The following MYO3B variants were observed in gnomAD, a reference collection of about 807,000 sequenced individuals.
The protein encoded by MYO3B is myosin-IIIb.
A neutral mutation model predicts 174.6 loss-of-function variants in MYO3B; 156 were observed. The observed-to-expected ratio is 0.89, with a 90% CI of 0.78 to 1.02. The LOEUF (loss-of-function observed/expected upper bound fraction) is 1.02. Ranked by LOEUF, MYO3B falls within the 50% of genes least tolerant of loss-of-function variation. The probability of loss-of-function intolerance (pLI) is 0.00; values close to 1 mark genes in which losing one functional copy is unlikely to be tolerated. For synonymous variants in MYO3B, 563 were observed against 569.1 expected (o/e 0.99, Z 0.15); for missense variants, 1,632 against 1,639.4 (o/e 1.00, Z 0.08).
At chr2:170,237,221 A>G (rs1283958427) in intron 7 of MYO3B, among the ~76,000 whole-genome samples, 2 of 152,196 alleles carry the variant, frequency 1.3e-5, no homozygotes, top group Admixed American at 1.3e-4. Context: ...GGATATAAGA[A>G]TGCAGGAGCT....
intron 32 of MYO3B, among the ~76,000 whole-genome samples, chr2:170,586,263 G>A (rs982355817): frequency 6.6e-6 from 1 of 152,104 alleles, no homozygotes; most frequent in Non-Finnish European, 1.5e-5. Flanking sequence ...ATTTGTTTTG[G>A]TTGCCTTAGC....
intron 1 of MYO3B, among the ~76,000 whole-genome samples, chr2:170,182,251 AT>A (rs200630661): frequency 1.3e-5 from 2 of 151,950 alleles, no homozygotes; most frequent in Non-Finnish European, 2.9e-5. Flanking sequence ...ATTTAGCTAT[AT>A]TTTTTTAAAA....
At position 170,459,147 on chromosome 2, in the gene MYO3B, C is replaced by T. The variant is rs147932125; in HGVS notation, c.2731-4221C>T. 5.3e-3 allele frequency among the ~76,000 whole-genome samples: 808 copies of T among 152,256 alleles called. 7 individuals are homozygous for T. Among genetic ancestry groups the T allele is most frequent in the African/African-American group, 0.019 (786 of 41,532 alleles). On this transcript the variant is annotated intron_variant, in intron 23 of 34. Transcript: ENST00000408978. ...GAGTGAGCAGCAGCAAGATTTATTG[C>T]GAAGAGTGAAAGAACAAAGCTTCCA...
Position 170,236,093 on chromosome 2 carries a change from C to G in MYO3B, c.706C>G (p.Leu236Val), listed in dbSNP as rs556789877. ...AIELGDGDPPLFDMHPVKTLF... is the reference protein window; with the variant it reads ...AIELGDGDPPVFDMHPVKTLF... Reference sequence around the variant, plus strand: ...TGAACTGGGGGATGGAGACCCTCCCCTCTTTGACATGCATCCTGTGAAAAC... The same window carrying G: ...TGAACTGGGGGATGGAGACCCTCCCGTCTTTGACATGCATCCTGTGAAAAC... Residue 236 changes from leucine to valine, a missense_variant, in exon 7 of 35, where the codon CTC (leucine) becomes GTC (valine). Leu to Val is a conservative substitution (Grantham distance 32). Transcript: ENST00000408978. 11 of 1,614,142 alleles carry G rather than the reference C, an allele frequency of 6.8e-6. No individual in the cohort carries two copies. The African/African-American group carries it at 1.5e-4, about 22-fold the overall frequency.
chr2:170,251,366 G>T (rs1481519969), intron 7 of MYO3B, among the ~76,000 whole-genome samples: 1 of 152,124 alleles, frequency 6.6e-6, no homozygotes. Context: ...AATCAAGATT[G>T]ATTGCAAAAT....
At chr2:170,560,906 A>G in intron 32 of MYO3B, among the ~76,000 whole-genome samples, 1 of 152,168 alleles carries the variant, frequency 6.6e-6, no homozygotes, top group East Asian at 1.9e-4. Context: ...ACATCCAAGG[A>G]TCCATTCTAA....
intron 22 of MYO3B, among the ~76,000 whole-genome samples, chr2:170,430,006 A>C (rs900298664): frequency 7.9e-6 from 1 of 126,128 alleles, no homozygotes; most frequent in African/African-American, 2.8e-5. Context: ...CCACTTATAC[A>C]CAGGTTTTTT....
chr2:170,624,837 T>C (rs1275667283), intron 32 of MYO3B, among the ~76,000 whole-genome samples: 1 of 152,224 alleles, frequency 6.6e-6, no homozygotes, highest in Non-Finnish European at 1.5e-5. Flanking sequence ...GTGGTTTTTC[T>C]CTTTGGTTCT....
chr2:170,574,091 C>A (rs926266517), intron 32 of MYO3B, among the ~76,000 whole-genome samples: 3 of 152,142 alleles, frequency 2.0e-5, no homozygotes, highest in African/African-American at 7.2e-5. Context: ...TGCTTCAGAA[C>A]CCTGAAGCAC....
At chr2:170,240,447 G>T (rs1196378573) in intron 7 of MYO3B, among the ~76,000 whole-genome samples, 1 of 152,160 alleles carries the variant, frequency 6.6e-6, no homozygotes, top group East Asian at 1.9e-4. Flanking sequence ...ATTTTTTCCA[G>T]ATGAGAAAAC....
chr2:170,193,702 AC>A (rs2092567597), intron 1 of MYO3B, among the ~76,000 whole-genome samples: 1 of 152,058 alleles, frequency 6.6e-6, no homozygotes, highest in African/African-American at 2.4e-5. Flanking sequence ...AGATTTGATA[AC>A]TTTATAGTGT....
intron 24 of MYO3B, among the ~76,000 whole-genome samples, chr2:170,465,385 G>A (rs907729904): frequency 6.6e-6 from 1 of 152,140 alleles, no homozygotes; most frequent in African/African-American, 2.4e-5. Context: ...GATTTTGCAT[G>A]AACTAATAGA....
chr2:170,211,815 A>G (rs1030268290), intron 3 of MYO3B, among the ~76,000 whole-genome samples: 6 of 152,210 alleles, frequency 3.9e-5, no homozygotes, highest in African/African-American at 1.4e-4. Flanking sequence ...CCATACAGGA[A>G]GTCATGCAAA....
rs536083655 is a variant in MYO3B, at chr2:170,222,724, AC to A, written c.603+5330del. Reference sequence around the variant, plus strand: ...AGTGACCCTATTTCCAAATAAGTTCACGTTCTGAGATTCTGGGGGCTAGGAC... The same window carrying A: ...AGTGACCCTATTTCCAAATAAGTTCAGTTCTGAGATTCTGGGGGCTAGGAC... On this transcript the variant is annotated intron_variant, in intron 6 of 34. Transcript: ENST00000408978. Among the ~76,000 whole-genome samples the A allele has an allele frequency of 7.9e-5, 12 of 152,288 alleles. No individual in the cohort carries two copies. In the South Asian group the frequency reaches 2.5e-3, roughly 32 times the overall value.
intron 22 of MYO3B, 122 bp downstream of exon 22, chr2:170,407,966 A>G: frequency 8.2e-7 from 1 of 1,213,024 alleles, no homozygotes; most frequent in Non-Finnish European, 1.2e-6. Flanking sequence ...TTTAAGCAGG[A>G]GTAAGGGTCT....
Position 170,387,328 on chromosome 2 carries a change from A to C in MYO3B, c.1577+20A>C. ...GGCAGCGTAGGTGCACTACTTTATC[A>C]CTGTGTTTTTGCCCTGCAGTAAAAA... On this transcript the variant is annotated intron_variant, in intron 14 of 34. Transcript: ENST00000408978. The C allele has an allele frequency of 6.2e-7, 1 of 1,610,398 alleles. No individual in the cohort carries two copies. Among genetic ancestry groups the C allele is most frequent in the South Asian group, 1.1e-5 (1 of 90,694 alleles).
At chr2:170,426,741 C>T (rs2105872806) in intron 22 of MYO3B, among the ~76,000 whole-genome samples, 1 of 152,096 alleles carries the variant, frequency 6.6e-6, no homozygotes, top group South Asian at 2.1e-4. Context: ...TACTTAGGGC[C>T]AGGCGTGGCA....
In MYO3B at chr2:170,200,085, G is replaced by A. The variant is rs955438303; in HGVS notation, c.187-65G>A. 7 of 1,499,926 alleles carry A rather than the reference G, an allele frequency of 4.7e-6. No individual in the cohort carries two copies. In the Admixed American group the frequency reaches 5.8e-5, roughly 12 times the overall value. The allele number at this position is 1,499,926 out of a possible 1,614,324, so 92.9% of individuals were successfully genotyped here. A position where few individuals can be genotyped will look rare whatever the true frequency, so the allele number is the denominator to read the frequency against. Reference sequence around the variant, plus strand: ...GTTTTACTAAGTACTTGAGCATGATGTCATATCTGTACCCTTCCTTACACA... The same window carrying A: ...GTTTTACTAAGTACTTGAGCATGATATCATATCTGTACCCTTCCTTACACA... On this transcript the variant is annotated intron_variant, in intron 2 of 34. Transcript: ENST00000408978.
intron 29 of MYO3B, among the ~76,000 whole-genome samples, chr2:170,516,361 G>A (rs1017985171): frequency 6.6e-6 from 1 of 151,900 alleles, no homozygotes; most frequent in Admixed American, 6.6e-5. Context: ...GTCTGATAGA[G>A]ATGGGCGCGG....
Sources: gnomAD v4.1 joint callset for allele counts (sites outside exome capture counted in the v4.1 genomes callset) on GRCh38, gnomAD v4.1.1 for gene constraint, MANE v1.5 for transcripts, NCBI Gene and HGNC (gene_info 2026-07-23, HGNC 2026-07-21) for gene names.